The following MDFIC variants were observed in gnomAD, a reference collection of about 807,000 sequenced individuals.
MDFIC encodes MyoD family inhibitor domain containing, also known as myoD family inhibitor domain-containing protein.
A neutral mutation model predicts 23.2 loss-of-function variants in MDFIC; 17 were observed. The ratio of observed to expected loss-of-function variants is 0.73; its 90% confidence interval spans 0.50 to 1.10. The LOEUF is 1.10. Ranked by LOEUF, MDFIC falls within the 50% of genes least tolerant of loss-of-function variation. MDFIC has a pLI of 0.00. For missense variants in MDFIC, 356 were observed against 316.6 expected, an observed-to-expected ratio of 1.12 and a Z score of -0.95; for synonymous variants, 120 against 115.2, an observed-to-expected ratio of 1.04 and a Z score of -0.27.
chr7:114,922,456 G>T lies in MDFIC; in HGVS notation c.-288G>T. 8.0e-7 allele frequency: 1 copy of T among 1,244,972 alleles called. No individual in the cohort carries two copies. The highest frequency in any genetic ancestry group is 1.0e-6 in the Non-Finnish European group (1 of 989,026). 77.1% of individuals were successfully genotyped at this position (1,244,972 alleles called of 1,614,324 possible). A position where few individuals can be genotyped will look rare whatever the true frequency, so the allele number is the denominator to read the frequency against. On this transcript the variant is annotated 5_prime_UTR_variant, in exon 1 of 5. Transcript: ENST00000393486. ...AGCCGCCACCGCTGCCGCAGTTGCC[G>T]CCACTGCGGCGTCTGGGCTGAGCCG...
At chr7:114,922,757 C>A in intron 1 of MDFIC, 121 bp downstream of exon 1, 1 of 1,284,508 alleles carries the variant, frequency 7.8e-7, no homozygotes, top group Non-Finnish European at 1.0e-6. Context: ...CCCTGGGACC[C>A]CGCCGCTGTC....
At chr7:115,013,224 G>A (rs1389565655) in intron 4 of MDFIC, among the ~76,000 whole-genome samples, 2 of 152,052 alleles carry the variant, frequency 1.3e-5, no homozygotes, top group East Asian at 1.9e-4. Flanking sequence ...AAAAAACAAG[G>A]GAAAGATCAT....
intron 2 of MDFIC, among the ~76,000 whole-genome samples, chr7:114,937,209 ATTGT>A (rs1435773228): frequency 6.6e-6 from 1 of 152,168 alleles, no homozygotes; most frequent in Non-Finnish European, 1.5e-5. Context: ...ATTGGAGAAG[ATTGT>A]TTCTTACCAT....
At chr7:115,010,696 T>A (rs564843258) in intron 4 of MDFIC, among the ~76,000 whole-genome samples, 48 of 152,304 alleles carry the variant, frequency 3.2e-4, no homozygotes, top group African/African-American at 1.1e-3. Flanking sequence ...AATGTCTCCA[T>A]TTTGTAAGTT....
chr7:114,961,085 C>T (rs928500544), intron 3 of MDFIC, among the ~76,000 whole-genome samples: 3 of 152,030 alleles, frequency 2.0e-5, no homozygotes, highest in African/African-American at 7.2e-5. Context: ...TCCTCCGCAC[C>T]ACCCCTGCCT....
At chr7:114,955,572 C>T (rs1792867495) in intron 3 of MDFIC, among the ~76,000 whole-genome samples, 1 of 152,284 alleles carries the variant, frequency 6.6e-6, no homozygotes, top group South Asian at 2.1e-4. Flanking sequence ...GCTCTGTAGA[C>T]CCCACATCCC....
At position 115,018,397 on chromosome 7, in the gene MDFIC, CA is replaced by C. The variant is rs1414945326; in HGVS notation, c.*2464del. 1 of 151,946 alleles carries C rather than the reference CA, an allele frequency of 6.6e-6. No individual in the cohort carries two copies. The highest frequency in any genetic ancestry group is 1.5e-5 in the Non-Finnish European group (1 of 67,860). The allele number at this position is 151,946 out of a possible 1,614,324, so 9.4% of individuals were successfully genotyped here. A position where few individuals can be genotyped will look rare whatever the true frequency, so the allele number is the denominator to read the frequency against. ...TGTGATGAAAATATTAGCACATTTGCAATAATGTTTCTCCATAACAGAGAAT... is the reference window on the plus strand; with the variant it reads ...TGTGATGAAAATATTAGCACATTTGCATAATGTTTCTCCATAACAGAGAAT... On this transcript the variant is annotated 3_prime_UTR_variant, in exon 5 of 5. Coordinates refer to ENST00000393486, the MANE Select transcript of MDFIC (RefSeq NM_001166345.3).
rs989537478 is a variant in MDFIC at position 115,016,044 on chromosome 7, G to T, written c.*109G>T. On this transcript the variant is annotated 3_prime_UTR_variant, in exon 5 of 5. Transcript: ENST00000393486. ...CATGAAACAACATGGAATTTGCACT[G>T]TTAACTCATTATTGTAAGTAATCTC... is the stretch of plus-strand genomic sequence containing the variant. 10 of 1,114,462 alleles carry T rather than the reference G, an allele frequency of 9.0e-6. No individual in the cohort carries two copies. In the African/African-American group the frequency reaches 1.6e-4, roughly 17 times the overall value. 69.0% of individuals were successfully genotyped at this position (1,114,462 alleles called of 1,614,324 possible).
intron 4 of MDFIC, among the ~76,000 whole-genome samples, chr7:114,994,812 C>G (rs1182840123): frequency 1.3e-5 from 2 of 152,168 alleles, no homozygotes; most frequent in African/African-American, 2.4e-5. Context: ...TGTGGTGAAT[C>G]TGACAATTAT....
chr7:114,973,754 C>A (rs187100144), intron 3 of MDFIC, among the ~76,000 whole-genome samples: 18 of 152,096 alleles, frequency 1.2e-4, no homozygotes, highest in African/African-American at 4.1e-4. Context: ...TCATTAAAAC[C>A]GAACTAATGT....
At chr7:114,992,708 C>T (rs577707980) in intron 4 of MDFIC, among the ~76,000 whole-genome samples, 22 of 152,178 alleles carry the variant, frequency 1.4e-4, no homozygotes, top group Non-Finnish European at 2.9e-4. Flanking sequence ...CCCACTTGAT[C>T]ATGGTGGATA....
At position 114,974,208 on chromosome 7, in the gene MDFIC, T is replaced by C. The variant is rs182528903; in HGVS notation, c.218-5298T>C. Among the ~76,000 whole-genome samples, 463 of 152,212 alleles carry C rather than the reference T, an allele frequency of 3.0e-3. 2 individuals carry two copies. The highest frequency in any genetic ancestry group is 0.011 in the African/African-American group (438 of 41,530). ...ATATAGCAATAAAAATGTAAGATAG[T>C]TTTTATCATGTTAGTTCATATTGAA... On this transcript the variant is annotated intron_variant, in intron 3 of 4. Transcript: ENST00000393486.
chr7:114,950,444 G>A (rs114468743), intron 3 of MDFIC, among the ~76,000 whole-genome samples: 32 of 152,226 alleles, frequency 2.1e-4, no homozygotes, highest in African/African-American at 6.7e-4. Flanking sequence ...GATGAGCTAC[G>A]GCTATAAAAT....
chr7:114,995,780 T>C (rs533938024), intron 4 of MDFIC, among the ~76,000 whole-genome samples: 4 of 152,322 alleles, frequency 2.6e-5, no homozygotes, highest in African/African-American at 9.6e-5. Flanking sequence ...CCAGTTAGGC[T>C]ACTTGGGGAT....
intron 4 of MDFIC, chr7:114,980,136 C>A: frequency 3.3e-6 from 1 of 299,030 alleles, no homozygotes; most frequent in Non-Finnish European, 6.5e-6. Context: ...ATATGTTATT[C>A]TATAGTTCAG....
rs569425946 is a variant in MDFIC at position 114,979,506 on chromosome 7, C to T, written c.218C>T (p.Thr73Ile). ...TGACTTTTTCCTGTTTTTAATTTAG[C>T]CCAACCTCAGCGCTTGCCTCAGCTT... ...GNPSDGELIRTQPQRLPQLQT... is the reference protein window; with the variant it reads ...GNPSDGELIRIQPQRLPQLQT... Residue 73 changes from threonine (T) to isoleucine (I), a missense_variant and splice_region_variant, in exon 4 of 5, where the codon ACC becomes ATC. Thr to Ile is a moderately conservative substitution (Grantham distance 89). Transcript: ENST00000393486. 1.3e-6 allele frequency: 2 copies of T among 1,598,344 alleles called. No individual in the cohort carries two copies. Among genetic ancestry groups the T allele is most frequent in the African/African-American group, 1.3e-5 (1 of 74,394 alleles).
At chr7:114,946,703 G>A (rs1297196412) in intron 3 of MDFIC, among the ~76,000 whole-genome samples, 1 of 152,008 alleles carries the variant, frequency 6.6e-6, no homozygotes, top group Non-Finnish European at 1.5e-5. Flanking sequence ...CACTTAATTG[G>A]CAGTAGAACG....
intron 2 of MDFIC, among the ~76,000 whole-genome samples, chr7:114,935,863 G>T (rs1381516183): frequency 1.3e-4 from 19 of 151,996 alleles, no homozygotes; most frequent in Non-Finnish European, 4.4e-5. Flanking sequence ...CTTATTGTCT[G>T]GTTTTTCATA....
chr7:114,964,309 G>T (rs1422387977), intron 3 of MDFIC, among the ~76,000 whole-genome samples: 1 of 152,144 alleles, frequency 6.6e-6, no homozygotes, highest in Admixed American at 6.5e-5. Flanking sequence ...AATCATCAGG[G>T]TTAAGTATAA....
Sources: allele counts gnomAD v4.1 joint callset (sites outside exome capture counted in the v4.1 genomes callset), GRCh38; gene constraint gnomAD v4.1.1; transcripts MANE v1.5; gene names NCBI Gene and HGNC (gene_info 2026-07-23, HGNC 2026-07-21).